Variants in CNST observed in about 807,000 individuals in gnomAD.
CNST encodes the protein consortin.
CNST carries 39 observed loss-of-function variants against 72.4 expected under a neutral mutation model. The ratio of observed to expected loss-of-function variants is 0.54; its 90% CI spans 0.42 to 0.70. CNST has a LOEUF of 0.70. CNST is among the 30% of genes least tolerant of loss of function. The probability of loss-of-function intolerance (pLI) is 0.00; values close to 1 mark genes in which losing one functional copy is unlikely to be tolerated. For missense variants in CNST, 871 were observed against 868.5 expected (o/e 1.00, Z -0.04); for synonymous variants, 332 against 320.1 (o/e 1.04, Z -0.40).
At chr1:246,612,575 T>C (rs1427964386) in intron 2 of CNST, among the ~76,000 whole-genome samples, 5 of 152,140 alleles carry the variant, frequency 3.3e-5, no homozygotes, top group Non-Finnish European at 7.4e-5. Context: ...TTATGTTTTT[T>C]TAAAAAAATA....
At chr1:246,611,922 G>A (rs1663341715) in intron 2 of CNST, among the ~76,000 whole-genome samples, 1 of 152,152 alleles carries the variant, frequency 6.6e-6, no homozygotes, top group Admixed American at 6.5e-5. Context: ...TCTGATACAC[G>A]CTACGTATGG....
chr1:246,621,580 A>C lies in CNST; in HGVS notation c.531A>C (p.Ile177=). ...TTCTGCAGTCTCTGTTTTCACTTAT[A>C]CGAGGTGAAGTTGAGCAGTTGGATT... The part of the protein sequence containing the change: ...KLVLQSLFSL[I]RGEVEQLDSR... The change falls in exon 3 of 11, where the codon ATA becomes ATC. Residue 177 remains isoleucine (I), a synonymous_variant. Transcript: ENST00000366513. 1 of 1,614,190 alleles carries C rather than the reference A, an allele frequency of 6.2e-7. No homozygotes were observed. Among genetic ancestry groups the C allele is most frequent in the Non-Finnish European group, 8.5e-7 (1 of 1,180,028 alleles).
chr1:246,613,315 T>C (rs1455191415), intron 2 of CNST, among the ~76,000 whole-genome samples: 1 of 152,174 alleles, frequency 6.6e-6, no homozygotes, highest in African/African-American at 2.4e-5. Flanking sequence ...TTATTGCACA[T>C]TCCTTTCCTC....
intron 2 of CNST, among the ~76,000 whole-genome samples, chr1:246,599,361 G>A (rs1285151569): frequency 6.6e-6 from 1 of 152,172 alleles, no homozygotes; most frequent in Non-Finnish European, 1.5e-5. Context: ...TGTTAGCAGG[G>A]CTGTGTCCCT....
At chr1:246,617,254 G>C (rs1009255156) in intron 2 of CNST, among the ~76,000 whole-genome samples, 59 of 152,262 alleles carry the variant, frequency 3.9e-4, no homozygotes, top group African/African-American at 1.4e-3. Context: ...ATATATACAA[G>C]CTCAATGATG....
At chr1:246,648,115 T>G in intron 9 of CNST, 78 bp downstream of exon 9, 6 of 1,487,050 alleles carry the variant, frequency 4.0e-6, no homozygotes, top group Non-Finnish European at 5.3e-6. Context: ...TTGCCTTGTT[T>G]TTGTAAGTTT....
chr1:246,658,527 A>G (rs1157180183), intron 9 of CNST, among the ~76,000 whole-genome samples: 1 of 152,244 alleles, frequency 6.6e-6, no homozygotes, highest in Non-Finnish European at 1.5e-5. Context: ...AGCATAGTCA[A>G]AGACTATCTT....
chr1:246,586,607 G>A (rs909703839), intron 1 of CNST, among the ~76,000 whole-genome samples: 2 of 151,696 alleles, frequency 1.3e-5, no homozygotes, highest in African/African-American at 4.8e-5. Flanking sequence ...GGCCTGCCTG[G>A]TAAAAATTTT....
At chr1:246,654,396 C>T (rs1321489222) in intron 9 of CNST, among the ~76,000 whole-genome samples, 1 of 152,174 alleles carries the variant, frequency 6.6e-6, no homozygotes, top group East Asian at 1.9e-4. Context: ...AGCTCATGGC[C>T]AGTACTCAGT....
chr1:246,601,293 A>G (rs1228796307), intron 2 of CNST, among the ~76,000 whole-genome samples: 1 of 151,994 alleles, frequency 6.6e-6, no homozygotes, highest in Admixed American at 6.6e-5. Flanking sequence ...ACAGAATGAG[A>G]CTCTTGTCTC....
At chr1:246,606,644 G>T (rs1408717908) in intron 2 of CNST, 1 of 150,984 alleles carries the variant, frequency 6.6e-6, no homozygotes, top group African/African-American at 2.4e-5. Flanking sequence ...CGATAACCCC[G>T]TGAACCATCC....
chr1:246,625,707 A>C (rs574733081), intron 3 of CNST, among the ~76,000 whole-genome samples: 1 of 152,240 alleles, frequency 6.6e-6, no homozygotes, highest in South Asian at 2.1e-4. Context: ...GGTGTGAGCC[A>C]CTGCGCCCGG....
rs1237711370 is a variant in CNST at position 246,656,562 on chromosome 1, T to C, written c.1837-3637T>C. Among the ~76,000 whole-genome samples, 5 of 152,216 alleles carry C rather than the reference T, an allele frequency of 3.3e-5. No individual in the cohort carries two copies. In the East Asian group the frequency reaches 7.7e-4, roughly 23 times the overall value. ...GGCAATTGAAGTGGGAAACTAAATTTAGTTTTAAGGCTTTATTTTTTGAGA... is the reference window on the plus strand; with the variant it reads ...GGCAATTGAAGTGGGAAACTAAATTCAGTTTTAAGGCTTTATTTTTTGAGA... On this transcript the variant is annotated intron_variant, in intron 9 of 10. Transcript: ENST00000366513.
intron 9 of CNST, among the ~76,000 whole-genome samples, chr1:246,649,151 CTGT>C (rs1443849212): frequency 7.7e-6 from 1 of 129,512 alleles, no homozygotes; most frequent in East Asian, 2.3e-4. Context: ...TCTCTACAGA[CTGT>C]TGTTTTGTTT....
At chr1:246,663,427 C>A (rs1463641250) in intron 10 of CNST, among the ~76,000 whole-genome samples, 1 of 151,402 alleles carries the variant, frequency 6.6e-6, no homozygotes, top group Non-Finnish European at 1.5e-5. Flanking sequence ...ATATAAAAGA[C>A]ATATTTTCAT....
chr1:246,634,990 G>GGGGTGTGTGTCTTCCGGCCA (rs1489366089), intron 6 of CNST, among the ~76,000 whole-genome samples: 2 of 149,510 alleles, frequency 1.3e-5, no homozygotes, highest in Non-Finnish European at 3.0e-5. Context: ...TCTTCCGGCC[G>GGGGTGTGTGTCTTCCGGCCA]GCCCTCTTCC....
chr1:246,639,119 G>C (rs1482168111), intron 6 of CNST, among the ~76,000 whole-genome samples: 2 of 152,032 alleles, frequency 1.3e-5, no homozygotes, highest in African/African-American at 4.8e-5. Flanking sequence ...TGTTTAGAGA[G>C]GTAGGCAACA....
intron 1 of CNST, among the ~76,000 whole-genome samples, chr1:246,581,388 C>A (rs937354869): frequency 1.3e-5 from 2 of 152,166 alleles, no homozygotes; most frequent in Admixed American, 6.5e-5. Context: ...CTCAGCCTCC[C>A]GAGTAGCTGG....
intron 2 of CNST, among the ~76,000 whole-genome samples, chr1:246,619,376 G>A (rs189877760): frequency 3.3e-5 from 5 of 152,284 alleles, no homozygotes; most frequent in African/African-American, 1.2e-4. Flanking sequence ...GTGTCTAGAA[G>A]AGAATTCTCT....
Sources: allele counts gnomAD v4.1 joint callset (sites outside exome capture counted in the v4.1 genomes callset), GRCh38; gene constraint gnomAD v4.1.1; transcripts MANE v1.5; gene names NCBI Gene and HGNC (gene_info 2026-07-23, HGNC 2026-07-21).